The following PLA2G4C variants were observed in gnomAD, a reference collection of about 807,000 sequenced individuals.
PLA2G4C encodes cytosolic phospholipase A2 gamma.
A neutral mutation model predicts 73.8 loss-of-function variants in PLA2G4C; 64 were observed. That is an observed-to-expected ratio of 0.87 (90% CI 0.71 to 1.07). The LOEUF is 1.07. PLA2G4C is among the 50% of genes least tolerant of loss of function. The pLI, the probability that PLA2G4C is intolerant of heterozygous loss-of-function variation, is 0.00. For missense variants in PLA2G4C, 622 were observed against 665.4 expected (o/e 0.93, Z 0.72); for synonymous variants, 254 against 252.1 (o/e 1.01, Z -0.07).
chr19:48,091,626 C>T (rs2031301802), intron 7 of PLA2G4C, among the ~76,000 whole-genome samples: 1 of 152,080 alleles, frequency 6.6e-6, no homozygotes, highest in African/African-American at 2.4e-5. Flanking sequence ...CGGTGGCTCA[C>T]GCCTGTAATG....
At position 48,079,667 on chromosome 19, in the gene PLA2G4C, A is replaced by G. The variant is rs182937036; in HGVS notation, c.845-1843T>C. Among the ~76,000 whole-genome samples, 21 of 152,348 alleles carry G rather than the reference A, an allele frequency of 1.4e-4. No homozygotes were observed. In the East Asian group the frequency reaches 3.9e-3, roughly 28 times the overall value. On this transcript the variant is annotated intron_variant, in intron 10 of 16. Transcript: ENST00000599921. ...CAAGAGCCCAAAAGCAAATGCAACA[A>G]AAACAAAAATAAACATATGGATATA...
intron 15 of PLA2G4C, among the ~76,000 whole-genome samples, chr19:48,053,994 G>C (rs1363619602): frequency 1.3e-5 from 2 of 152,264 alleles, no homozygotes; most frequent in South Asian, 2.1e-4. Flanking sequence ...GCTGCAGAGA[G>C]AGGCAGCAAC....
chr19:48,100,469 G>A (rs930666734), intron 4 of PLA2G4C, among the ~76,000 whole-genome samples: 2 of 152,020 alleles, frequency 1.3e-5, no homozygotes, highest in Admixed American at 1.3e-4. Context: ...GCCAGGCATG[G>A]TGGCACACGC....
intron 10 of PLA2G4C, among the ~76,000 whole-genome samples, chr19:48,079,418 G>A (rs1473378426): frequency 6.6e-6 from 1 of 152,092 alleles, no homozygotes; most frequent in Admixed American, 6.6e-5. Context: ...CATAAAGTGG[G>A]GGAAAGGACA....
At chr19:48,079,709 C>T (rs950792454) in intron 10 of PLA2G4C, among the ~76,000 whole-genome samples, 1 of 152,218 alleles carries the variant, frequency 6.6e-6, no homozygotes, top group Non-Finnish European at 1.5e-5. Context: ...CGATGGCTCA[C>T]GCCTGTAATC....
At chr19:48,068,321 A>AG (rs1253090265) in intron 12 of PLA2G4C, among the ~76,000 whole-genome samples, 1 of 150,962 alleles carries the variant, frequency 6.6e-6, no homozygotes, top group Non-Finnish European at 1.5e-5. Context: ...AAAAAAAAAA[A>AG]AAAAGTGGGG....
intron 12 of PLA2G4C, among the ~76,000 whole-genome samples, chr19:48,069,044 CAAAAA>C: frequency 8.8e-6 from 1 of 113,066 alleles, no homozygotes. Flanking sequence ...AACCCCATCT[CAAAAA>C]AAAAAAAAAA....
chr19:48,082,386 A>G (rs112825357), intron 10 of PLA2G4C, among the ~76,000 whole-genome samples: 3,111 of 152,088 alleles, frequency 0.02, 108 homozygotes, highest in African/African-American at 0.07. Context: ...ATAGAAAGCT[A>G]AGTCCTGATA....
At chr19:48,091,014 A>AAT (rs2031265590) in intron 7 of PLA2G4C, among the ~76,000 whole-genome samples, 1 of 151,684 alleles carries the variant, frequency 6.6e-6, no homozygotes, top group Non-Finnish European at 1.5e-5. Flanking sequence ...TTCAAAAAAA[A>AAT]AAAAAAAAGT....
At chr19:48,071,529 T>C (rs1968657299) in intron 12 of PLA2G4C, among the ~76,000 whole-genome samples, 1 of 152,114 alleles carries the variant, frequency 6.6e-6, no homozygotes, top group Admixed American at 6.5e-5. Flanking sequence ...GCTCCTGACC[T>C]CAAGCGATCC....
intron 2 of PLA2G4C, among the ~76,000 whole-genome samples, chr19:48,105,921 CCCTCCCTCCCTCCCT>C (rs2032188620): frequency 6.6e-5 from 1 of 15,210 alleles, no homozygotes; most frequent in African/African-American, 8.2e-4. Context: ...CTCCCTCCCT[CCCTCCCTCCCTCCCT>C]CCCTCCCTCC....
At chr19:48,061,925 G>T in intron 14 of PLA2G4C, 73 bp downstream of exon 14, 1 of 1,505,536 alleles carries the variant, frequency 6.6e-7, no homozygotes, top group Non-Finnish European at 9.2e-7. Flanking sequence ...CGCGTCCTCA[G>T]TTCCTCCGCA....
chr19:48,098,521 C>T (rs534381629), intron 5 of PLA2G4C, among the ~76,000 whole-genome samples: 24 of 151,298 alleles, frequency 1.6e-4, no homozygotes, highest in Non-Finnish European at 3.1e-4. Context: ...CAGGCTTTTG[C>T]TATGTTGCCC....
intron 13 of PLA2G4C, among the ~76,000 whole-genome samples, chr19:48,067,031 A>G (rs1043672050): frequency 6.6e-6 from 1 of 151,944 alleles, no homozygotes; most frequent in Non-Finnish European, 1.5e-5. Context: ...TGGTCATAGG[A>G]GAGGATCTCC....
intron 4 of PLA2G4C, among the ~76,000 whole-genome samples, chr19:48,102,311 G>T (rs560601333): frequency 6.6e-6 from 1 of 151,736 alleles, no homozygotes; most frequent in East Asian, 2.0e-4. Context: ...GCCAACACGG[G>T]GAAACTCCGT....
At position 48,048,056 on chromosome 19, in the gene PLA2G4C, G is replaced by A. The variant is rs1802368; in HGVS notation, c.*287C>T. The A allele has an allele frequency of 2.1e-6, 1 of 465,552 alleles. No homozygotes were observed. The highest frequency in any genetic ancestry group is 2.9e-5 in the South Asian group (1 of 34,126). 28.8% of individuals were successfully genotyped at this position (465,552 alleles called of 1,614,324 possible). On this transcript the variant is annotated 3_prime_UTR_variant, in exon 17 of 17. Transcript: ENST00000599921. ...ATTCATTCTGGCCATCTGGACATTGGACATGATGCTTCTGATTGTCAGACA... is the reference window on the plus strand; with the variant it reads ...ATTCATTCTGGCCATCTGGACATTGAACATGATGCTTCTGATTGTCAGACA...
At chr19:48,056,832 CA>C (rs34317694) in intron 14 of PLA2G4C, among the ~76,000 whole-genome samples, 2,003 of 83,772 alleles carry the variant, frequency 0.024, 25 homozygotes, top group African/African-American at 0.093. Flanking sequence ...GACTCTGTCT[CA>C]AAAAAAAAAA....
At chr19:48,049,171 C>T (rs1967629701) in intron 16 of PLA2G4C, among the ~76,000 whole-genome samples, 1 of 152,158 alleles carries the variant, frequency 6.6e-6, no homozygotes, top group African/African-American at 2.4e-5. Flanking sequence ...TTATAAATTA[C>T]CGAGCCTCAG....
rs776327030 is a variant in PLA2G4C at position 48,067,815 on chromosome 19, T to TG, written c.1077dup (p.Thr360HisfsTer67). ...CCGTGTTTGTACAGGAAGTTGTGAG[T>TG]GGTCCCCCATTCCCACTTTGAAGCG... is the stretch of plus-strand genomic sequence containing the variant. On this transcript the variant is annotated frameshift_variant, in exon 13 of 17. Transcript: ENST00000599921. LOFTEE classifies it high-confidence loss of function. The TG allele has an allele frequency of 9.3e-6, 15 of 1,611,500 alleles. No homozygotes were observed. In the South Asian group the frequency reaches 1.4e-4, roughly 15 times the overall value.
Sources: allele counts gnomAD v4.1 joint callset (sites outside exome capture counted in the v4.1 genomes callset), GRCh38; gene constraint gnomAD v4.1.1; transcripts MANE v1.5; gene names NCBI Gene and HGNC (gene_info 2026-07-23, HGNC 2026-07-21).